Variants in EMC1 observed in about 807,000 individuals in gnomAD.
EMC1 encodes ER membrane protein complex subunit 1, also known as KIAA0090.
Under a neutral mutation model 128.8 loss-of-function variants are expected in EMC1, and 103 were observed. The observed-to-expected ratio is 0.80, with a 90% CI of 0.68 to 0.94. The LOEUF is 0.94. EMC1 is among the 40% of genes least tolerant of loss of function. EMC1 has a pLI of 0.00. For missense variants in EMC1, 1,083 were observed against 1,250.6 expected (o/e 0.87, Z 2.02); for synonymous variants, 442 against 490.4 (o/e 0.90, Z 1.30).
chr1:19,215,737 C>A lies in EMC1; in HGVS notation c.*3566G>T, dbSNP rs559270332. On this transcript the variant is annotated 3_prime_UTR_variant, in exon 23 of 23. Coordinates refer to ENST00000477853, the MANE Select transcript of EMC1 (RefSeq NM_015047.3). ...TCACTGTGTTGCCCAGACTGGAGTGCAGAGGCATGATCTCGGCTTACTGCA... is the reference window on the plus strand; with the variant it reads ...TCACTGTGTTGCCCAGACTGGAGTGAAGAGGCATGATCTCGGCTTACTGCA... 4 of 152,278 alleles carry A rather than the reference C, an allele frequency of 2.6e-5. No individual in the cohort carries two copies. Among genetic ancestry groups the A allele is most frequent in the Non-Finnish European group, 5.9e-5 (4 of 68,046 alleles). 9.4% of individuals were successfully genotyped at this position (152,278 alleles called of 1,614,324 possible). A position where few individuals can be genotyped will look rare whatever the true frequency, so the allele number is the denominator to read the frequency against.
Position 19,240,327 on chromosome 1 carries a change from C to G in EMC1, c.756G>C (p.Thr252=). ...GTGGGATCTGTCTCAACTCCCATTC[C>G]GTCTCCAGAGCCAAAGTTTGGAGGG... ...SRSLQTLALE[T]EWELRQIPLQ... is the part of the protein sequence containing the mutation. Residue 252 remains threonine (T), a synonymous_variant, in exon 7 of 23, where the codon ACG becomes ACC. Transcript: ENST00000477853. 6.2e-7 allele frequency: 1 copy of G among 1,614,190 alleles called. No homozygotes were observed. Among genetic ancestry groups the G allele is most frequent in the Non-Finnish European group, 8.5e-7 (1 of 1,180,040 alleles).
intron 12 of EMC1, 36 bp from the exon 13 acceptor site, chr1:19,235,288 C>A: frequency 6.3e-7 from 1 of 1,598,384 alleles, no homozygotes. Flanking sequence ...AAGCCTGGGG[C>A]TGGGCACAGT....
In EMC1 at chr1:19,219,066, C is replaced by A; in HGVS notation, c.*237G>T. 1 of 475,084 alleles carries A rather than the reference C, an allele frequency of 2.1e-6. No homozygotes were observed. Among genetic ancestry groups the A allele is most frequent in the South Asian group, 3.2e-5 (1 of 31,256 alleles). The allele number at this position is 475,084 out of a possible 1,614,324, so 29.4% of individuals were successfully genotyped here. ...CGCCTTTGGACTTCAAGAGAAAGCC[C>A]ATCAGGAATCTCTGAGAGTGTCAGC... On this transcript the variant is annotated 3_prime_UTR_variant, in exon 23 of 23. Coordinates refer to ENST00000477853, the MANE Select transcript of EMC1 (RefSeq NM_015047.3).
intron 3 of EMC1, 22 bp from the exon 4 acceptor site, chr1:19,243,729 T>C: frequency 6.2e-7 from 1 of 1,610,774 alleles, no homozygotes; most frequent in African/African-American, 1.3e-5. Context: ...AAGATCGTGG[T>C]GAAGTCATTT....
intron 6 of EMC1, 46 bp from the exon 7 acceptor site, chr1:19,240,492 C>T (rs756640681): frequency 6.2e-7 from 1 of 1,608,580 alleles, no homozygotes; most frequent in Non-Finnish European, 8.5e-7. Flanking sequence ...AAGATTTTTA[C>T]ATTTCCCTCT....
intron 18 of EMC1, among the ~76,000 whole-genome samples, chr1:19,226,727 T>C (rs191059811): frequency 6.6e-6 from 1 of 151,406 alleles, no homozygotes; most frequent in East Asian, 1.9e-4. Flanking sequence ...AGCTAATTGT[T>C]TTTTTTGTTT....
chr1:19,227,228 T>G, intron 18 of EMC1, 85 bp downstream of exon 18: 1 of 1,484,352 alleles, frequency 6.7e-7, no homozygotes, highest in Admixed American at 1.8e-5. Context: ...GTCATATATG[T>G]ACCAAGTCCT....
chr1:19,219,278 C>A lies in EMC1; in HGVS notation c.*25G>T, dbSNP rs376510740. 3.1e-6 allele frequency: 5 copies of A among 1,613,192 alleles called. No homozygotes were observed. The African/African-American group carries it at 6.7e-5, about 22-fold the overall frequency. On this transcript the variant is annotated 3_prime_UTR_variant, in exon 23 of 23. Transcript: ENST00000477853. The stretch of plus-strand genomic sequence containing the variant: ...TCTGACCCACACTCCCCTGGCTCTC[C>A]ACTTTTAGGCACAGTCTTTGTTCTT...
At position 19,227,781 on chromosome 1, in the gene EMC1, G is replaced by T. The variant is rs1452272988; in HGVS notation, c.2065-331C>A. Among the ~76,000 whole-genome samples, 3 of 152,250 alleles carry T rather than the reference G, an allele frequency of 2.0e-5. No homozygotes were observed. The East Asian group carries it at 5.8e-4, about 29-fold the overall frequency. Reference sequence around the variant, plus strand: ...CACTCGGGAGGCTGAGGCAGAGGCTGCAGTGAGCTGAGATCACGCCACTGC... The same window carrying T: ...CACTCGGGAGGCTGAGGCAGAGGCTTCAGTGAGCTGAGATCACGCCACTGC... On this transcript the variant is annotated intron_variant, in intron 17 of 22. Coordinates refer to ENST00000477853, the MANE Select transcript of EMC1 (RefSeq NM_015047.3).
At chr1:19,230,431 G>A (rs966037532) in intron 17 of EMC1, among the ~76,000 whole-genome samples, 17 of 152,126 alleles carry the variant, frequency 1.1e-4, no homozygotes, top group African/African-American at 3.1e-4. Context: ...TTAGCCGGGC[G>A]CGGTGGCGCA....
rs1400082013 is a variant in EMC1 at position 19,222,609 on chromosome 1, T to C, written c.2587+15A>G. 6.2e-6 allele frequency: 10 copies of C among 1,611,982 alleles called. No homozygotes were observed. Among genetic ancestry groups the C allele is most frequent in the Admixed American group, 3.3e-5 (2 of 59,948 alleles). On this transcript the variant is annotated intron_variant, in intron 20 of 22. Coordinates refer to ENST00000477853, the MANE Select transcript of EMC1 (RefSeq NM_015047.3). ...AAGGGAACCCAGCCATCCCAGAGGC[T>C]CCCCAGTCACTCACTCAGCAGGTGT...
chr1:19,223,853 G>C (rs541027515), intron 18 of EMC1, among the ~76,000 whole-genome samples: 8 of 152,312 alleles, frequency 5.3e-5, no homozygotes, highest in Non-Finnish European at 1.0e-4. Context: ...TAGTTAAGCA[G>C]CTTTTCAAGT....
At chr1:19,220,719 G>A in intron 21 of EMC1, 45 bp downstream of exon 21, 1 of 1,458,070 alleles carries the variant, frequency 6.9e-7, no homozygotes, top group Non-Finnish European at 9.5e-7. Flanking sequence ...GTGAGGTTAA[G>A]TTATGTAAGG....
chr1:19,227,504 C>T, intron 17 of EMC1, 54 bp from the exon 18 acceptor site: 1 of 1,605,702 alleles, frequency 6.2e-7, no homozygotes. Flanking sequence ...AGAACTGAAA[C>T]AGCTGGAGTT....
chr1:19,246,674 G>A (rs1422760500), intron 1 of EMC1, among the ~76,000 whole-genome samples: 1 of 152,056 alleles, frequency 6.6e-6, no homozygotes, highest in Non-Finnish European at 1.5e-5. Flanking sequence ...CAGCTACTTG[G>A]GAGGCTAAGG....
At chr1:19,251,017 C>T (rs1463367049) in intron 1 of EMC1, among the ~76,000 whole-genome samples, 3 of 152,166 alleles carry the variant, frequency 2.0e-5, no homozygotes, top group Non-Finnish European at 1.5e-5. Flanking sequence ...TGTTCACTTG[C>T]CTACAAGACA....
chr1:19,224,086 C>T (rs1194957565), intron 18 of EMC1, among the ~76,000 whole-genome samples: 3 of 152,212 alleles, frequency 2.0e-5, no homozygotes, highest in Non-Finnish European at 4.4e-5. Context: ...GCTTCCAGAA[C>T]ATCCCTGCCC....
chr1:19,245,052 G>C lies in EMC1; in HGVS notation c.96-22C>G, dbSNP rs150354932. Reference sequence around the variant, plus strand: ...TCTCCTGAGAAAAAAAGAGTACAGGGGACCATAAGGAGCTAAAATCACCAT... The same window carrying C: ...TCTCCTGAGAAAAAAAGAGTACAGGCGACCATAAGGAGCTAAAATCACCAT... On this transcript the variant is annotated intron_variant, in intron 1 of 22. Transcript: ENST00000477853. 1.3e-3 allele frequency: 2,119 copies of C among 1,611,774 alleles called. 4 individuals carry two copies. Among genetic ancestry groups the C allele is most frequent in the Non-Finnish European group, 1.6e-3 (1,928 of 1,178,820 alleles).
chr1:19,249,767 A>G (rs1312103767), intron 1 of EMC1, among the ~76,000 whole-genome samples: 1 of 152,010 alleles, frequency 6.6e-6, no homozygotes, highest in Admixed American at 6.6e-5. Context: ...TCTACAAAAA[A>G]TACAAAGAAA....
Sources: gnomAD v4.1 joint callset for allele counts (sites outside exome capture counted in the v4.1 genomes callset) on GRCh38, gnomAD v4.1.1 for gene constraint, MANE v1.5 for transcripts, NCBI Gene and HGNC (gene_info 2026-07-23, HGNC 2026-07-21) for gene names.